PLEKHG1: variants seen among roughly 807,000 people sequenced by gnomAD.
PLEKHG1 encodes the protein pleckstrin homology domain-containing family G member 1.
Under a neutral mutation model 100.8 loss-of-function variants are expected in PLEKHG1, and 44 were observed. The observed-to-expected ratio is 0.44, with a 90% CI of 0.34 to 0.56. PLEKHG1 has a LOEUF of 0.56. PLEKHG1 is among the 20% of genes least tolerant of loss of function. PLEKHG1 has a pLI of 0.01. For synonymous variants in PLEKHG1, 640 were observed against 662.5 expected, an observed-to-expected ratio of 0.97 and a Z score of 0.52; for missense variants, 1,545 against 1,720.9, an observed-to-expected ratio of 0.90 and a Z score of 1.81.
intron 2 of PLEKHG1, among the ~76,000 whole-genome samples, chr6:150,641,086 A>C (rs1049077073): frequency 6.6e-6 from 1 of 152,150 alleles, no homozygotes; most frequent in African/African-American, 2.4e-5. Context: ...ACACACAGCC[A>C]AATGCCCCCA....
intron 3 of PLEKHG1, among the ~76,000 whole-genome samples, chr6:150,712,570 G>A (rs1400461522): frequency 2.0e-5 from 3 of 152,186 alleles, no homozygotes; most frequent in Non-Finnish European, 4.4e-5. Flanking sequence ...ACAGAAATAA[G>A]TTTGGTTACA....
chr6:150,653,753 A>C (rs1274685354), intron 3 of PLEKHG1, among the ~76,000 whole-genome samples: 1 of 152,164 alleles, frequency 6.6e-6, no homozygotes, highest in Non-Finnish European at 1.5e-5. Flanking sequence ...ATCGCAAAAA[A>C]AAAAGAGTAA....
chr6:150,739,267 G>A (rs971795850), intron 2 of PLEKHG1, among the ~76,000 whole-genome samples: 1 of 152,044 alleles, frequency 6.6e-6, no homozygotes, highest in South Asian at 2.1e-4. Flanking sequence ...GTGAAAAAAG[G>A]GGCTGAATTG....
intron 10 of PLEKHG1, among the ~76,000 whole-genome samples, chr6:150,816,326 C>CTTTTTTGTTTTTT: frequency 2.4e-5 from 1 of 41,106 alleles, no homozygotes. Context: ...CTCAAACATA[C>CTTTTTTGTTTTTT]TTTTTTTTTT....
In PLEKHG1 at chr6:150,687,267, G is replaced by A. The variant is rs529573151; in HGVS notation, c.-99+36481G>A. On this transcript the variant is annotated intron_variant, in intron 3 of 3. Transcript: ENST00000367326. The stretch of plus-strand genomic sequence containing the variant: ...TTTCCAGAGCTTTTACTTTAAGATG[G>A]AATTCTTGTTCTGTGGTATTTGTGT... Among the ~76,000 whole-genome samples, 50 of 152,218 alleles carry A rather than the reference G, an allele frequency of 3.3e-4. No homozygotes were observed. In the South Asian group the frequency reaches 6.6e-3, roughly 20 times the overall value.
chr6:150,821,167 A>G (rs748605078), intron 12 of PLEKHG1, 28 bp from the exon 14 acceptor site: 1 of 1,606,466 alleles, frequency 6.2e-7, no homozygotes, highest in South Asian at 1.1e-5. Flanking sequence ...GGTTTTGCCA[A>G]TGATGCTGGC....
chr6:150,685,895 C>T (rs555440084), intron 3 of PLEKHG1, among the ~76,000 whole-genome samples: 2 of 152,246 alleles, frequency 1.3e-5, no homozygotes, highest in South Asian at 2.1e-4. Flanking sequence ...CTGTGTAACC[C>T]GTAAAAGTCA....
intron 1 of PLEKHG1, among the ~76,000 whole-genome samples, chr6:150,633,713 G>A (rs1212955610): frequency 1.3e-5 from 2 of 152,184 alleles, no homozygotes; most frequent in African/African-American, 2.4e-5. Context: ...TTTGGTTGAG[G>A]CAGAAGATAC....
intron 1 of PLEKHG1, among the ~76,000 whole-genome samples, chr6:150,601,817 C>T (rs1776370709): frequency 6.6e-6 from 1 of 152,158 alleles, no homozygotes; most frequent in Non-Finnish European, 1.5e-5. Flanking sequence ...AGATAACTGC[C>T]CCGATTCTGC....
At chr6:150,684,610 A>G (rs575163845) in intron 3 of PLEKHG1, among the ~76,000 whole-genome samples, 6 of 152,240 alleles carry the variant, frequency 3.9e-5, no homozygotes, top group African/African-American at 7.2e-5. Flanking sequence ...TGATTGGCCC[A>G]TGGGGGATGA....
chr6:150,755,579 A>T (rs17340521), intron 2 of PLEKHG1, among the ~76,000 whole-genome samples: 11,592 of 152,220 alleles, frequency 0.076, 486 homozygotes, highest in Middle Eastern at 0.18. Flanking sequence ...AGCTGCCTTG[A>T]ATGGACCATG....
chr6:150,697,925 GT>G (rs67973235), intron 3 of PLEKHG1, among the ~76,000 whole-genome samples: 9,573 of 148,672 alleles, frequency 0.064, 965 homozygotes, highest in African/African-American at 0.21. Flanking sequence ...TGGCAGTGGT[GT>G]TTTTTTTTTT....
At chr6:150,657,331 A>T (rs1779009192) in intron 3 of PLEKHG1, among the ~76,000 whole-genome samples, 1 of 152,226 alleles carries the variant, frequency 6.6e-6, no homozygotes. Context: ...TCTGCCAATA[A>T]ATTAGAAATT....
At chr6:150,667,232 A>G (rs1284070617) in intron 3 of PLEKHG1, among the ~76,000 whole-genome samples, 1 of 152,148 alleles carries the variant, frequency 6.6e-6, no homozygotes, top group African/African-American at 2.4e-5. Flanking sequence ...TAATATTTCA[A>G]GTTTTTAGCA....
rs60462437 is a variant in PLEKHG1 at position 150,763,024 on chromosome 6, C to CTTTT, written c.412-5597_412-5594dup. 2.3e-3 allele frequency among the ~76,000 whole-genome samples: 172 copies of CTTTT among 76,370 alleles called. 7 individuals carry two copies. Among genetic ancestry groups the CTTTT allele is most frequent in the African/African-American group, 4.4e-3 (63 of 14,462 alleles). The allele number at this position is 76,370 out of a possible 152,430, so 50.1% of individuals were successfully genotyped here. On this transcript the variant is annotated intron_variant, in intron 2 of 15. Coordinates refer to ENST00000358517, the Ensembl canonical transcript of PLEKHG1. ...AGCACCAACAGGAGGGATAAAGCTTCTTTTTTTTTTTTTTTTTTTTGAGAC... is the reference window on the plus strand; with the variant it reads ...AGCACCAACAGGAGGGATAAAGCTTCTTTTTTTTTTTTTTTTTTTTTTTTGAGAC...
chr6:150,745,725 G>T (rs1173806850), intron 2 of PLEKHG1, among the ~76,000 whole-genome samples: 1 of 151,036 alleles, frequency 6.6e-6, no homozygotes, highest in African/African-American at 2.4e-5. Flanking sequence ...GAAAAATGGG[G>T]TACCAAGAAC....
At chr6:150,649,522 C>T (rs1778628903) in intron 2 of PLEKHG1, among the ~76,000 whole-genome samples, 1 of 152,170 alleles carries the variant, frequency 6.6e-6, no homozygotes, top group Non-Finnish European at 1.5e-5. Context: ...AATTTCTAGG[C>T]ACTTTTTTTT....
exon 16 of PLEKHG1, chr6:150,840,646 A>T: frequency 6.2e-7 from 1 of 1,614,164 alleles, no homozygotes. Flanking sequence ...AGGAAATCTG[A>T]CTCAAAGTTT....
intron 2 of PLEKHG1, among the ~76,000 whole-genome samples, chr6:150,643,471 G>C (rs1047401217): frequency 1.3e-5 from 2 of 152,122 alleles, no homozygotes; most frequent in African/African-American, 4.8e-5. Flanking sequence ...CATCTTAAAA[G>C]CTCAACTCAT....
Sources: gnomAD v4.1 joint callset for allele counts (sites outside exome capture counted in the v4.1 genomes callset) on GRCh38, gnomAD v4.1.1 for gene constraint, MANE v1.5 for transcripts, NCBI Gene and HGNC (gene_info 2026-07-23, HGNC 2026-07-21) for gene names.